TSGA10: variants seen among roughly 807,000 people sequenced by gnomAD.
TSGA10 encodes testis-specific gene 10 protein.
TSGA10 carries 43 observed loss-of-function variants against 96.6 expected under a neutral mutation model. The ratio of observed to expected loss-of-function variants is 0.44; its 90% CI spans 0.35 to 0.57. The LOEUF is 0.57. Ranked by LOEUF, TSGA10 falls within the 20% of genes least tolerant of loss-of-function variation. TSGA10 has a pLI of 0.01. For missense variants in TSGA10, 703 were observed against 834.4 expected, an observed-to-expected ratio of 0.84 and a Z score of 1.94; for synonymous variants, 229 against 269.9, an observed-to-expected ratio of 0.85 and a Z score of 1.48.
intron 16 of TSGA10, among the ~76,000 whole-genome samples, chr2:99,057,827 C>T (rs1354269542): frequency 6.6e-6 from 1 of 152,152 alleles, no homozygotes; most frequent in African/African-American, 2.4e-5. Flanking sequence ...GGAGGACTTT[C>T]ACTTTTCCAT....
In TSGA10 at chr2:99,047,669, G is replaced by C. The variant is rs1029475669; in HGVS notation, c.1405-12230C>G. 4.6e-5 allele frequency among the ~76,000 whole-genome samples: 7 copies of C among 152,246 alleles called. No individual in the cohort carries two copies. The East Asian group carries it at 9.7e-4, about 21-fold the overall frequency. ...ATTCCCTTTGAAGACTGGCACAAGAGGGGGATGCCCTCTCTCACCACTCCT... is the reference window on the plus strand; with the variant it reads ...ATTCCCTTTGAAGACTGGCACAAGACGGGGATGCCCTCTCTCACCACTCCT... On this transcript the variant is annotated intron_variant, in intron 16 of 20. Transcript: ENST00000393483.
chr2:99,136,938 A>T (rs2093352386), intron 1 of TSGA10, among the ~76,000 whole-genome samples: 1 of 150,862 alleles, frequency 6.6e-6, no homozygotes, highest in African/African-American at 2.4e-5. Context: ...CACTTAATGC[A>T]TTATATTACT....
At chr2:99,068,794 C>A in intron 15 of TSGA10, 94 bp downstream of exon 15, 1 of 523,020 alleles carries the variant, frequency 1.9e-6, no homozygotes. Flanking sequence ...TTAAAGAAAG[C>A]TTTGATTCAC....
intron 16 of TSGA10, among the ~76,000 whole-genome samples, chr2:99,049,608 A>T (rs1192270242): frequency 6.6e-6 from 1 of 152,112 alleles, no homozygotes. Context: ...GAGGGATGGC[A>T]TTAGGAGAAA....
chr2:99,098,692 A>G (rs543625114), intron 10 of TSGA10, among the ~76,000 whole-genome samples: 24 of 152,226 alleles, frequency 1.6e-4, no homozygotes, highest in African/African-American at 4.8e-4. Context: ...GAAAAACAGG[A>G]AATAACTACA....
At chr2:99,076,895 A>G (rs2086761037) in intron 12 of TSGA10, among the ~76,000 whole-genome samples, 1 of 151,850 alleles carries the variant, frequency 6.6e-6, no homozygotes, top group Non-Finnish European at 1.5e-5. Context: ...TATTCTCCTG[A>G]CTACTATCTA....
chr2:99,036,861 T>A (rs1217684260), intron 16 of TSGA10, among the ~76,000 whole-genome samples: 4 of 152,124 alleles, frequency 2.6e-5, no homozygotes, highest in African/African-American at 9.7e-5. Context: ...AAAGGAAAAT[T>A]ATCAGTAATA....
chr2:99,099,181 G>A lies in TSGA10; in HGVS notation c.611+4786C>T, dbSNP rs367639866. Among the ~76,000 whole-genome samples, 41 of 152,182 alleles carry A rather than the reference G, an allele frequency of 2.7e-4. 1 individual carries two copies. The South Asian group carries it at 7.9e-3, about 29-fold the overall frequency. ...TACAAAATTAGCTGGGGGTAGTGGCGCGTGCCTGTAATCCCAGCTGCTCGG... is the reference window on the plus strand; with the variant it reads ...TACAAAATTAGCTGGGGGTAGTGGCACGTGCCTGTAATCCCAGCTGCTCGG... On this transcript the variant is annotated intron_variant, in intron 10 of 20. Coordinates refer to ENST00000393483, the MANE Select transcript of TSGA10 (RefSeq NM_025244.4).
chr2:99,148,734 G>A (rs2093657533), intron 1 of TSGA10, among the ~76,000 whole-genome samples: 1 of 152,174 alleles, frequency 6.6e-6, no homozygotes. Flanking sequence ...CACTTTGGGA[G>A]CTGAGGTGGG....
At chr2:99,075,550 T>A (rs2086607037) in intron 12 of TSGA10, among the ~76,000 whole-genome samples, 1 of 152,182 alleles carries the variant, frequency 6.6e-6, no homozygotes, top group Non-Finnish European at 1.5e-5. Flanking sequence ...TTCTGTAATC[T>A]CTATATGAAC....
chr2:99,098,826 CTAAT>C (rs1574327176), intron 10 of TSGA10, among the ~76,000 whole-genome samples: 1 of 152,208 alleles, frequency 6.6e-6, no homozygotes, highest in East Asian at 1.9e-4. Context: ...GAAGGAAATT[CTAAT>C]TATTTCTTTA....
chr2:99,045,612 C>A (rs2082687243), intron 16 of TSGA10, among the ~76,000 whole-genome samples: 1 of 152,148 alleles, frequency 6.6e-6, no homozygotes, highest in South Asian at 2.1e-4. Context: ...ACAACTGGTA[C>A]CAGCCACTGC....
At chr2:99,109,644 T>G in intron 5 of TSGA10, 132 bp from the exon 6 acceptor site, 9 of 562,526 alleles carry the variant, frequency 1.6e-5, no homozygotes, top group Non-Finnish European at 2.3e-5. Context: ...ACAGGATCCT[T>G]AAAAACATTT....
At chr2:99,044,094 T>A (rs1212849885) in intron 16 of TSGA10, among the ~76,000 whole-genome samples, 1 of 151,980 alleles carries the variant, frequency 6.6e-6, no homozygotes, top group East Asian at 1.9e-4. Flanking sequence ...GTAAAGACCA[T>A]CAACACTATG....
chr2:99,045,920 A>C (rs2082724053), intron 16 of TSGA10, among the ~76,000 whole-genome samples: 1 of 152,200 alleles, frequency 6.6e-6, no homozygotes, highest in Non-Finnish European at 1.5e-5. Context: ...CAGGAGTTGC[A>C]ATCCTGGTCT....
chr2:99,121,040 T>C (rs894123350), intron 2 of TSGA10, among the ~76,000 whole-genome samples: 2 of 152,230 alleles, frequency 1.3e-5, no homozygotes, highest in Admixed American at 6.5e-5. Context: ...TTCCATGGTA[T>C]GGAATACCAC....
chr2:99,052,832 G>C (rs528273437), intron 16 of TSGA10, among the ~76,000 whole-genome samples: 21 of 152,208 alleles, frequency 1.4e-4, no homozygotes, highest in African/African-American at 4.8e-4. Flanking sequence ...ACTTTGGAAG[G>C]CTGAGGCAGG....
At chr2:99,107,458 A>T (rs1413880162) in intron 7 of TSGA10, among the ~76,000 whole-genome samples, 1 of 149,008 alleles carries the variant, frequency 6.7e-6, no homozygotes, top group Non-Finnish European at 1.5e-5. Flanking sequence ...GCCTGCCTTT[A>T]AAAAAAAAAG....
intron 4 of TSGA10, among the ~76,000 whole-genome samples, chr2:99,115,171 G>A (rs1412066711): frequency 2.0e-5 from 3 of 151,942 alleles, no homozygotes; most frequent in Non-Finnish European, 2.9e-5. Context: ...GGCCTCAAGC[G>A]ATCCACCTGC....
Sources: gnomAD v4.1 joint callset for allele counts (sites outside exome capture counted in the v4.1 genomes callset) on GRCh38, gnomAD v4.1.1 for gene constraint, MANE v1.5 for transcripts, NCBI Gene and HGNC (gene_info 2026-07-23, HGNC 2026-07-21) for gene names.